ICE2: variants seen among roughly 807,000 people sequenced by gnomAD.
ICE2 encodes the protein interactor of little elongation complex ELL subunit 2.
ICE2 carries 87 observed loss-of-function variants against 105.4 expected under a neutral mutation model. The ratio of observed to expected loss-of-function variants is 0.83; its 90% CI spans 0.69 to 0.99. The LOEUF (loss-of-function observed/expected upper bound fraction) is 0.99. Among genes scored for constraint, ICE2 ranks in the 50% least tolerant of loss-of-function variants. The pLI, the probability that ICE2 is intolerant of heterozygous loss-of-function variation, is 0.00. For synonymous variants in ICE2, 399 were observed against 392.0 expected, an observed-to-expected ratio of 1.02 and a Z score of -0.21; for missense variants, 1,323 against 1,146.7, an observed-to-expected ratio of 1.15 and a Z score of -2.22.
In ICE2 at chr15:60,449,675, G is replaced by A; in HGVS notation, c.1292C>T (p.Ala431Val). ...AGTTCCTGCTTTGGGGGCTGTAGGAGCATCTGTCATGTTAGGTACTGTGGA... is the reference window on the plus strand; with the variant it reads ...AGTTCCTGCTTTGGGGGCTGTAGGAACATCTGTCATGTTAGGTACTGTGGA... ...STSTVPNMTD[A>V]PTAPKAGTTT... Residue 431 changes from alanine (A) to valine (V), a missense_variant, in exon 10 of 16, where the codon GCT becomes GTT. Coordinates refer to ENST00000261520, the MANE Select transcript of ICE2 (RefSeq NM_024611.6). 1 of 1,614,072 alleles carries A rather than the reference G, an allele frequency of 6.2e-7. No homozygotes were observed. Among genetic ancestry groups the A allele is most frequent in the Non-Finnish European group, 8.5e-7 (1 of 1,180,012 alleles).
chr15:60,470,040 G>C (rs1035405669), intron 3 of ICE2, among the ~76,000 whole-genome samples: 24 of 152,252 alleles, frequency 1.6e-4, no homozygotes, highest in African/African-American at 5.1e-4. Context: ...AATCCACAGA[G>C]GAAGGGAAAC....
At chr15:60,454,310 A>G (rs1373635022) in intron 8 of ICE2, among the ~76,000 whole-genome samples, 1 of 152,248 alleles carries the variant, frequency 6.6e-6, no homozygotes, top group Non-Finnish European at 1.5e-5. Context: ...CCTATTGCTT[A>G]TATGTATAGA....
At chr15:60,444,566 T>C (rs2063783554) in intron 11 of ICE2, among the ~76,000 whole-genome samples, 1 of 152,246 alleles carries the variant, frequency 6.6e-6, no homozygotes, top group South Asian at 2.1e-4. Flanking sequence ...ACTTGGTTCA[T>C]TGAGACAGAC....
intron 8 of ICE2, chr15:60,454,795 G>A (rs6494200): frequency 0.24 from 101,389 of 428,262 alleles, 13,005 homozygotes; most frequent in Middle Eastern, 0.33. Context: ...GTATCAACCT[G>A]TCATCTAGGT....
At chr15:60,431,048 A>G (rs1383209587) in intron 14 of ICE2, among the ~76,000 whole-genome samples, 1 of 151,852 alleles carries the variant, frequency 6.6e-6, no homozygotes, top group African/African-American at 2.4e-5. Flanking sequence ...ATTTTTTTGT[A>G]TTTTTAGTAG....
intron 9 of ICE2, among the ~76,000 whole-genome samples, chr15:60,450,061 C>T (rs1394970652): frequency 6.6e-6 from 1 of 152,094 alleles, no homozygotes; most frequent in African/African-American, 2.4e-5. Flanking sequence ...GGCAAATTTG[C>T]CAAGTTATAA....
chr15:60,445,077 G>A (rs1348889855), intron 11 of ICE2, among the ~76,000 whole-genome samples: 2 of 152,088 alleles, frequency 1.3e-5, no homozygotes, highest in African/African-American at 4.8e-5. Context: ...TTTTGGTAAG[G>A]AAACATAAAT....
At chr15:60,437,186 T>C (rs773315506) in intron 12 of ICE2, among the ~76,000 whole-genome samples, 3 of 151,534 alleles carry the variant, frequency 2.0e-5, no homozygotes, top group Non-Finnish European at 4.4e-5. Flanking sequence ...ACCCAGGAGA[T>C]GGAGGTTGCA....
In ICE2 at chr15:60,449,368, A is replaced by G. The variant is rs369611470; in HGVS notation, c.1599T>C (p.Asp533=). Residue 533 remains aspartate, a synonymous_variant, in exon 10 of 16, where the codon GAT becomes GAC. Transcript: ENST00000261520. ...GTCTTTCACCATCAGCATGTAATAT[A>G]TCTATAGTCATATCATTTTTATTAG... ...ETSNKNDMTI[D]ILHADGERPN... 8 of 1,612,876 alleles carry G rather than the reference A, an allele frequency of 5.0e-6. No individual in the cohort carries two copies. The African/African-American group carries it at 1.1e-4, about 22-fold the overall frequency.
chr15:60,445,260 ATTAGT>A (rs1471497640), intron 11 of ICE2, among the ~76,000 whole-genome samples: 1 of 152,216 alleles, frequency 6.6e-6, no homozygotes, highest in African/African-American at 2.4e-5. Context: ...ATTTTGCTGA[ATTAGT>A]TTAAATAGTA....
At chr15:60,425,000 T>C (rs1356937953) in intron 15 of ICE2, among the ~76,000 whole-genome samples, 1 of 152,154 alleles carries the variant, frequency 6.6e-6, no homozygotes, top group Non-Finnish European at 1.5e-5. Context: ...TTTCTTCATA[T>C]CCCGTCCAGT....
At chr15:60,431,901 T>A (rs758395017) in intron 14 of ICE2, 33 bp downstream of exon 14, 2 of 1,131,190 alleles carry the variant, frequency 1.8e-6, no homozygotes, top group Admixed American at 2.0e-5. Flanking sequence ...GAAAATCAGA[T>A]GTATCAAAGC....
intron 3 of ICE2, among the ~76,000 whole-genome samples, chr15:60,475,478 G>A (rs2064733971): frequency 6.6e-6 from 1 of 151,744 alleles, no homozygotes; most frequent in Non-Finnish European, 1.5e-5. Flanking sequence ...AGAAGAAAAG[G>A]GAACACAACG....
At chr15:60,436,808 A>G (rs1255261683) in intron 12 of ICE2, among the ~76,000 whole-genome samples, 2 of 151,820 alleles carry the variant, frequency 1.3e-5, no homozygotes, top group East Asian at 1.9e-4. Context: ...TATTATCATA[A>G]TATGTATTTT....
At chr15:60,455,276 T>G (rs1253078970) in intron 7 of ICE2, 50 bp downstream of exon 7, 25 of 1,542,878 alleles carry the variant, frequency 1.6e-5, no homozygotes, top group Non-Finnish European at 2.0e-5. Flanking sequence ...ATATATTTTG[T>G]GAGATATAAA....
chr15:60,443,674 T>C (rs1243125578), intron 11 of ICE2, among the ~76,000 whole-genome samples: 1 of 152,170 alleles, frequency 6.6e-6, no homozygotes, highest in African/African-American at 2.4e-5. Context: ...TCTTCTCAAT[T>C]AAAAACAAAA....
intron 5 of ICE2, among the ~76,000 whole-genome samples, chr15:60,462,978 A>C (rs1225544208): frequency 6.6e-6 from 1 of 152,224 alleles, no homozygotes; most frequent in African/African-American, 2.4e-5. Context: ...TGATGGTGCC[A>C]AACCATTGCA....
intron 3 of ICE2, among the ~76,000 whole-genome samples, chr15:60,473,092 T>C (rs1042970793): frequency 6.6e-6 from 1 of 151,970 alleles, no homozygotes; most frequent in South Asian, 2.1e-4. Flanking sequence ...CACATGTGCA[T>C]GCCACCACAC....
chr15:60,445,373 G>GA (rs2063800401), intron 11 of ICE2: 1 of 177,660 alleles, frequency 5.6e-6, no homozygotes, highest in African/African-American at 2.4e-5. Flanking sequence ...ACTCGGTGCC[G>GA]ATTTACTGAA....
Sources: allele counts gnomAD v4.1 joint callset (sites outside exome capture counted in the v4.1 genomes callset), GRCh38; gene constraint gnomAD v4.1.1; transcripts MANE v1.5; gene names NCBI Gene and HGNC (gene_info 2026-07-23, HGNC 2026-07-21).